RORA: variants seen among roughly 807,000 people sequenced by gnomAD.
The protein encoded by RORA is RAR related orphan receptor A.
In RORA, 7 loss-of-function variants were observed where a neutral mutation model predicts 69.5. That is an observed-to-expected ratio of 0.10 (90% confidence interval 0.06 to 0.19). The LOEUF is 0.19. Among genes scored for constraint, RORA ranks in the 10% least tolerant of loss-of-function variants. The pLI is 1.00. For synonymous variants in RORA, 261 were observed against 240.8 expected (o/e 1.08, Z -0.78); for missense variants, 457 against 663.0 (o/e 0.69, Z 3.41).
chr15:60,578,036 T>C (rs1459824028), intron 2 of RORA, among the ~76,000 whole-genome samples: 2 of 152,210 alleles, frequency 1.3e-5, no homozygotes, highest in Admixed American at 6.5e-5. Flanking sequence ...TCAGATAATT[T>C]TGGATATTCT....
chr15:61,004,712 G>A (rs537971046), intron 1 of RORA, among the ~76,000 whole-genome samples: 2 of 152,210 alleles, frequency 1.3e-5, no homozygotes, highest in East Asian at 3.9e-4. Flanking sequence ...CATGGGTCCG[G>A]GAGTAAATAA....
At chr15:60,681,320 G>A (rs1466063257) in intron 1 of RORA, among the ~76,000 whole-genome samples, 3 of 150,848 alleles carry the variant, frequency 2.0e-5, no homozygotes, top group African/African-American at 7.3e-5. Context: ...TAGTGTAGAT[G>A]TACCCTCAAA....
chr15:60,594,437 G>C (rs1353774682), intron 2 of RORA, among the ~76,000 whole-genome samples: 3 of 152,250 alleles, frequency 2.0e-5, no homozygotes, highest in African/African-American at 7.2e-5. Context: ...AACCATCGGA[G>C]ACTGCATCCT....
intron 1 of RORA, among the ~76,000 whole-genome samples, chr15:60,838,843 AACACACAC>A (rs58762022): frequency 0.32 from 38,765 of 121,732 alleles, 6,048 homozygotes; most frequent in East Asian, 0.49. Context: ...ACATTCATTC[AACACACAC>A]ACACACACAC....
intron 1 of RORA, among the ~76,000 whole-genome samples, chr15:60,704,698 G>A (rs191920435): frequency 5.3e-5 from 8 of 152,282 alleles, no homozygotes; most frequent in Admixed American, 2.6e-4. Flanking sequence ...CTTCAAATGC[G>A]TAATCTAGGT....
At chr15:61,049,065 C>A (rs769746267) in intron 1 of RORA, among the ~76,000 whole-genome samples, 3 of 152,214 alleles carry the variant, frequency 2.0e-5, no homozygotes, top group Non-Finnish European at 2.9e-5. Context: ...CGTGTCCCAA[C>A]ACCACATCTG....
At chr15:60,901,067 T>G (rs911979721) in intron 1 of RORA, among the ~76,000 whole-genome samples, 2 of 152,192 alleles carry the variant, frequency 1.3e-5, no homozygotes, top group East Asian at 3.8e-4. Flanking sequence ...TGCCTATATG[T>G]AGAAGGCACA....
intron 1 of RORA, among the ~76,000 whole-genome samples, chr15:60,853,450 T>C (rs1383597929): frequency 6.6e-6 from 1 of 152,178 alleles, no homozygotes; most frequent in Admixed American, 6.5e-5. Flanking sequence ...TCACAAGGCA[T>C]AAAACGAGAA....
Position 60,749,395 on chromosome 15 carries a change from T to C in RORA, c.167-70709A>G, listed in dbSNP as rs77565769. Reference sequence around the variant, plus strand: ...GAAATGTAAATTAATGGGATTTCTGTAAATGCTTATTTTTTTCTAACTAAT... The same window carrying C: ...GAAATGTAAATTAATGGGATTTCTGCAAATGCTTATTTTTTTCTAACTAAT... On this transcript the variant is annotated intron_variant, in intron 1 of 10. Transcript: ENST00000335670. Among the ~76,000 whole-genome samples the C allele has an allele frequency of 3.9e-3, 596 of 152,310 alleles. 2 individuals are homozygous for C. The highest frequency in any genetic ancestry group is 6.6e-3 in the Non-Finnish European group (450 of 68,004).
chr15:61,078,167 A>T (rs1157299455), intron 1 of RORA, among the ~76,000 whole-genome samples: 1 of 152,208 alleles, frequency 6.6e-6, no homozygotes, highest in African/African-American at 2.4e-5. Flanking sequence ...TTTTTAAATT[A>T]AAAACAATTT....
At chr15:60,748,309 GAAA>G (rs397854053) in intron 1 of RORA, among the ~76,000 whole-genome samples, 2 of 32,136 alleles carry the variant, frequency 6.2e-5, no homozygotes, top group South Asian at 2.1e-3. Flanking sequence ...TATAATTAGC[GAAA>G]AAAAAAAAAA....
chr15:60,733,748 C>T (rs530743742), intron 1 of RORA, among the ~76,000 whole-genome samples: 1 of 152,200 alleles, frequency 6.6e-6, no homozygotes, highest in South Asian at 2.1e-4. Flanking sequence ...CAAGCATGGC[C>T]ATGGGAGCAG....
At chr15:60,527,882 G>T (rs1160753041) in intron 3 of RORA, among the ~76,000 whole-genome samples, 1 of 151,998 alleles carries the variant, frequency 6.6e-6, no homozygotes, top group Non-Finnish European at 1.5e-5. Context: ...CTGGGCTTTT[G>T]CCTCTGCCAT....
intron 1 of RORA, among the ~76,000 whole-genome samples, chr15:60,859,651 C>CTTTT (rs1208480913): frequency 3.1e-4 from 30 of 96,446 alleles, no homozygotes; most frequent in African/African-American, 4.4e-4. Context: ...TTCTTTCTTT[C>CTTTT]TTTCTTTTTT....
chr15:60,998,113 G>T (rs1894618528), intron 1 of RORA, among the ~76,000 whole-genome samples: 1 of 152,126 alleles, frequency 6.6e-6, no homozygotes, highest in Admixed American at 6.5e-5. Context: ...CCCCATATGG[G>T]TTTGCTTTGC....
intron 1 of RORA, among the ~76,000 whole-genome samples, chr15:61,200,683 T>A (rs930657364): frequency 6.6e-6 from 1 of 152,294 alleles, no homozygotes; most frequent in East Asian, 1.9e-4. Context: ...GGCTTAAACT[T>A]TATCAACATC....
intron 1 of RORA, among the ~76,000 whole-genome samples, chr15:60,841,779 TG>T (rs1363286379): frequency 1.3e-5 from 2 of 152,212 alleles, no homozygotes; most frequent in Non-Finnish European, 2.9e-5. Context: ...TCCTTTTTTT[TG>T]GTTGTCACAG....
chr15:60,878,953 C>T (rs192958731), intron 1 of RORA, among the ~76,000 whole-genome samples: 2,892 of 152,208 alleles, frequency 0.019, 85 homozygotes, highest in African/African-American at 0.066. Flanking sequence ...TCATCAAGTC[C>T]CAACTCAGCC....
intron 1 of RORA, among the ~76,000 whole-genome samples, chr15:60,757,321 C>T (rs2071817402): frequency 6.6e-6 from 1 of 152,102 alleles, no homozygotes; most frequent in Non-Finnish European, 1.5e-5. Context: ...ATTATCAGGT[C>T]TCTCTATTCT....
Sources: allele counts gnomAD v4.1 joint callset (sites outside exome capture counted in the v4.1 genomes callset), GRCh38; gene constraint gnomAD v4.1.1; transcripts MANE v1.5; gene names NCBI Gene and HGNC (gene_info 2026-07-23, HGNC 2026-07-21).